Variants in DCBLD2 observed in about 807,000 individuals in gnomAD.
DCBLD2 encodes the protein discoidin, CUB and LCCL domain-containing protein 2.
In DCBLD2, 54 loss-of-function variants were observed where a neutral mutation model predicts 86.8. That is an observed-to-expected ratio of 0.62 (90% CI 0.50 to 0.78). The LOEUF is 0.78. Among genes scored for constraint, DCBLD2 ranks in the 30% least tolerant of loss-of-function variants. The pLI is 0.00. For synonymous variants in DCBLD2, 354 were observed against 341.3 expected (o/e 1.04, Z -0.41); for missense variants, 908 against 954.2 (o/e 0.95, Z 0.64).
intron 1 of DCBLD2, among the ~76,000 whole-genome samples, chr3:98,900,480 A>G (rs1943828672): frequency 6.6e-6 from 1 of 152,186 alleles, no homozygotes; most frequent in South Asian, 2.1e-4. Flanking sequence ...AGGTGGAAAA[A>G]AAAAAAAGTT....
At chr3:98,899,884 T>A (rs543933047) in intron 1 of DCBLD2, among the ~76,000 whole-genome samples, 14 of 152,292 alleles carry the variant, frequency 9.2e-5, no homozygotes, top group African/African-American at 3.4e-4. Flanking sequence ...TATATAAGCC[T>A]GTTTTCCCCC....
At chr3:98,888,960 C>T (rs1349154238) in intron 1 of DCBLD2, among the ~76,000 whole-genome samples, 1 of 152,014 alleles carries the variant, frequency 6.6e-6, no homozygotes, top group Admixed American at 6.6e-5. Flanking sequence ...GACCTCTCAG[C>T]TCTCTTACAC....
chr3:98,819,349 G>C lies in DCBLD2; in HGVS notation c.940C>G (p.Leu314Val). ...TGCCCTGTGTGGTCAGTCCACTCCAGCACAGATGATGCTGTTATTTGAGGA... is the reference window on the plus strand; with the variant it reads ...TGCCCTGTGTGGTCAGTCCACTCCACCACAGATGATGCTGTTATTTGAGGA... ...ADPQITASSVLEWTDHTGQEN... is the reference protein window; with the variant it reads ...ADPQITASSVVEWTDHTGQEN... The change falls in exon 8 of 16, where the codon CTG (leucine) becomes GTG (valine). Residue 314 changes from leucine to valine, a missense_variant. This residue lies in a region of DCBLD2 where 606 missense variants were observed against 678.5 expected (regional missense o/e 0.89). Transcript: ENST00000326840. The C allele has an allele frequency of 3.1e-6, 5 of 1,613,760 alleles. No homozygotes were observed. The highest frequency in any genetic ancestry group is 4.2e-6 in the Non-Finnish European group (5 of 1,179,776).
intron 2 of DCBLD2, among the ~76,000 whole-genome samples, chr3:98,873,460 T>C (rs1943314377): frequency 6.6e-6 from 1 of 152,102 alleles, no homozygotes; most frequent in African/African-American, 2.4e-5. Flanking sequence ...TATAATGCAA[T>C]AGAATTATAC....
chr3:98,820,880 G>A (rs1026120791), intron 6 of DCBLD2: 12 of 140,826 alleles, frequency 8.5e-5, no homozygotes, highest in African/African-American at 3.2e-4. Flanking sequence ...ATTTATCCCT[G>A]TTTTCTTTTT....
At chr3:98,887,993 T>C (rs948821507) in intron 1 of DCBLD2, among the ~76,000 whole-genome samples, 3 of 151,832 alleles carry the variant, frequency 2.0e-5, no homozygotes, top group Non-Finnish European at 4.4e-5. Flanking sequence ...CATCTCTACC[T>C]CCCCCAAAAC....
In DCBLD2 at chr3:98,901,044, G is replaced by A. The variant is rs537618699; in HGVS notation, c.205+78C>T. 4.8e-5 allele frequency: 73 copies of A among 1,532,412 alleles called. No homozygotes were observed. In the South Asian group the frequency reaches 5.9e-4, roughly 12 times the overall value. The allele number at this position is 1,532,412 out of a possible 1,614,324, so 94.9% of individuals were successfully genotyped here. A position where few individuals can be genotyped will look rare whatever the true frequency, so the allele number is the denominator to read the frequency against. The stretch of plus-strand genomic sequence containing the variant: ...CGCACCGCGCCTCCCTGCAGCGTCT[G>A]CAGATTTGTTCAGGGGCCAAGAGAC... On this transcript the variant is annotated intron_variant, in intron 1 of 15. Transcript: ENST00000326840.
intron 2 of DCBLD2, among the ~76,000 whole-genome samples, chr3:98,851,754 C>G (rs1158754765): frequency 6.6e-6 from 1 of 152,202 alleles, no homozygotes; most frequent in African/African-American, 2.4e-5. Context: ...TGGAACAGAA[C>G]AGAGGCTTCA....
At chr3:98,836,920 G>A (rs1227112742) in intron 3 of DCBLD2, among the ~76,000 whole-genome samples, 2 of 71,998 alleles carry the variant, frequency 2.8e-5, no homozygotes, top group Admixed American at 1.3e-4. Flanking sequence ...CGGGCGGGGG[G>A]CTGACCCCCC....
At chr3:98,851,344 G>C (rs1010525897) in intron 2 of DCBLD2, among the ~76,000 whole-genome samples, 24 of 152,206 alleles carry the variant, frequency 1.6e-4, no homozygotes, top group African/African-American at 5.5e-4. Context: ...ATTCACAATT[G>C]CTACAAAGAG....
intron 2 of DCBLD2, among the ~76,000 whole-genome samples, chr3:98,870,549 G>C (rs898910514): frequency 1.3e-5 from 2 of 151,394 alleles, no homozygotes; most frequent in African/African-American, 4.9e-5. Flanking sequence ...AGGAGGCTGA[G>C]GCTGAAGTAA....
chr3:98,837,302 C>T (rs1326336782), intron 3 of DCBLD2, among the ~76,000 whole-genome samples: 2 of 9,396 alleles, frequency 2.1e-4, no homozygotes, highest in African/African-American at 4.1e-4. Context: ...GGGCCGACAC[C>T]CCCACCTCCC....
chr3:98,800,079 T>C (rs1941690082), intron 15 of DCBLD2, among the ~76,000 whole-genome samples: 2 of 152,228 alleles, frequency 1.3e-5, no homozygotes, highest in South Asian at 2.1e-4. Flanking sequence ...AATTTTCACA[T>C]ATGTTCTTTA....
At chr3:98,840,888 G>A (rs1287706245) in intron 3 of DCBLD2, among the ~76,000 whole-genome samples, 4 of 152,258 alleles carry the variant, frequency 2.6e-5, no homozygotes, top group East Asian at 1.9e-4. Context: ...ATTACTGCAC[G>A]AAGTATCACA....
Position 98,801,654 on chromosome 3 carries a change from A to G in DCBLD2, c.1671-5T>C, listed in dbSNP as rs1941721468. On this transcript the variant is annotated splice_polypyrimidine_tract_variant and splice_region_variant and intron_variant, in intron 13 of 15. Transcript: ENST00000326840. Reference sequence around the variant, plus strand: ...GTGCCTTCAGTTTTTTTCTTTCTGGAAAAATACAGAAGAGAAGTTAGCAAA... The same window carrying G: ...GTGCCTTCAGTTTTTTTCTTTCTGGGAAAATACAGAAGAGAAGTTAGCAAA... 4.4e-6 allele frequency: 7 copies of G among 1,602,450 alleles called. No individual in the cohort carries two copies. Among genetic ancestry groups the G allele is most frequent in the Non-Finnish European group, 5.1e-6 (6 of 1,173,808 alleles).
At chr3:98,855,063 C>G (rs1338364041) in intron 2 of DCBLD2, among the ~76,000 whole-genome samples, 1 of 151,974 alleles carries the variant, frequency 6.6e-6, no homozygotes, top group Admixed American at 6.6e-5. Context: ...AATGGCAGCC[C>G]ATAGCAATGG....
intron 1 of DCBLD2, among the ~76,000 whole-genome samples, chr3:98,888,037 A>G (rs945023731): frequency 2.6e-5 from 4 of 151,844 alleles, no homozygotes; most frequent in Admixed American, 2.6e-4. Context: ...GGGTCTCCCT[A>G]GTTTTGCCTT....
intron 2 of DCBLD2, among the ~76,000 whole-genome samples, chr3:98,859,742 A>G (rs139912516): frequency 0.021 from 3,235 of 152,316 alleles, 114 homozygotes; most frequent in African/African-American, 0.072. Flanking sequence ...AACATCAAAG[A>G]CCAAAGGTAG....
intron 2 of DCBLD2, among the ~76,000 whole-genome samples, chr3:98,874,565 G>A (rs1288452296): frequency 6.6e-6 from 1 of 152,142 alleles, no homozygotes; most frequent in Non-Finnish European, 1.5e-5. Context: ...GAAATCAGTG[G>A]ATACTTCCTA....
Sources: allele counts gnomAD v4.1 joint callset (sites outside exome capture counted in the v4.1 genomes callset), GRCh38; gene constraint gnomAD v4.1.1; regional missense constraint gnomAD v4.1.1; transcripts MANE v1.5; gene names NCBI Gene and HGNC (gene_info 2026-07-23, HGNC 2026-07-21).